Variants in PRKCB observed in about 807,000 individuals in gnomAD.
The protein encoded by PRKCB is protein kinase C beta type.
In PRKCB, 13 loss-of-function variants were observed where a neutral mutation model predicts 81.5. That is an observed-to-expected ratio of 0.16 (90% CI 0.10 to 0.25). The LOEUF (loss-of-function observed/expected upper bound fraction) is 0.25. PRKCB is among the 10% of genes least tolerant of loss of function. The pLI is 1.00. For synonymous variants in PRKCB, 335 were observed against 321.4 expected (o/e 1.04, Z -0.45); for missense variants, 509 against 875.7 (o/e 0.58, Z 5.29).
At chr16:23,988,915 C>T (rs753584741) in intron 3 of PRKCB, among the ~76,000 whole-genome samples, 3 of 151,950 alleles carry the variant, frequency 2.0e-5, no homozygotes, top group African/African-American at 7.3e-5. Context: ...TTGCAGTGCA[C>T]GTTATGGCAC....
intron 7 of PRKCB, among the ~76,000 whole-genome samples, chr16:24,096,194 G>T (rs1432365752): frequency 6.6e-6 from 1 of 152,116 alleles, no homozygotes; most frequent in Admixed American, 6.5e-5. Flanking sequence ...CAGGGAGGCG[G>T]AGGTTGCAGT....
At chr16:24,087,824 A>C (rs1966327678) in intron 5 of PRKCB, among the ~76,000 whole-genome samples, 1 of 152,194 alleles carries the variant, frequency 6.6e-6, no homozygotes, top group African/African-American at 2.4e-5. Context: ...CTTGGACCAG[A>C]ATGCAGAGGC....
At chr16:24,125,840 A>G (rs1047356933) in intron 9 of PRKCB, among the ~76,000 whole-genome samples, 1 of 152,200 alleles carries the variant, frequency 6.6e-6, no homozygotes, top group Non-Finnish European at 1.5e-5. Flanking sequence ...GAAGAGCTTC[A>G]GCATGGGATG....
intron 5 of PRKCB, among the ~76,000 whole-genome samples, chr16:24,077,059 T>A (rs1391717415): frequency 6.6e-6 from 1 of 152,124 alleles, no homozygotes; most frequent in East Asian, 1.9e-4. Flanking sequence ...GCCTGGCAAG[T>A]AAACTTAGCA....
rs529618160 is a variant in PRKCB, at chr16:24,068,558, AT to A, written c.530-24227del. Among the ~76,000 whole-genome samples the A allele has an allele frequency of 1.4e-3, 215 of 151,950 alleles. 2 individuals carry two copies. Among genetic ancestry groups the A allele is most frequent in the African/African-American group, 4.9e-3 (203 of 41,454 alleles). On this transcript the variant is annotated intron_variant, in intron 5 of 16. Transcript: ENST00000643927. ...TCAAAATTCCAGTTTCTTGAAAAAT[AT>A]TTTTTATCTGGCTTTTATAGTTGCT... is the stretch of plus-strand genomic sequence containing the variant.
At chr16:23,911,956 C>T (rs978752658) in intron 2 of PRKCB, among the ~76,000 whole-genome samples, 4 of 150,924 alleles carry the variant, frequency 2.7e-5, no homozygotes, top group African/African-American at 7.3e-5. Flanking sequence ...CTCAGCCTCC[C>T]GAGTAGCTGG....
chr16:23,836,359 G>A lies in PRKCB; in HGVS notation c.173+11G>A, dbSNP rs774813467. The A allele has an allele frequency of 2.2e-5, 35 of 1,595,632 alleles. No homozygotes were observed. The highest frequency in any genetic ancestry group is 5.5e-5 in the South Asian group (5 of 90,134). Reference sequence around the variant, plus strand: ...CACCGACTTCATCTGGTGAGCGCGCGCGCGCAGGGCACCTTCCCGGGCCCC... The same window carrying A: ...CACCGACTTCATCTGGTGAGCGCGCACGCGCAGGGCACCTTCCCGGGCCCC... On this transcript the variant is annotated intron_variant, in intron 1 of 16. Transcript: ENST00000643927.
chr16:24,086,528 T>G (rs1462509156), intron 5 of PRKCB, among the ~76,000 whole-genome samples: 1 of 152,178 alleles, frequency 6.6e-6, no homozygotes, highest in Non-Finnish European at 1.5e-5. Context: ...CCAAAAGTTT[T>G]TAAGTATCAC....
intron 2 of PRKCB, among the ~76,000 whole-genome samples, chr16:23,943,907 G>C (rs914486472): frequency 6.6e-6 from 1 of 152,154 alleles, no homozygotes; most frequent in African/African-American, 2.4e-5. Context: ...AGATCACATG[G>C]GGAAGGCACC....
intron 2 of PRKCB, among the ~76,000 whole-genome samples, chr16:23,842,605 ACT>A (rs112130857): frequency 2.6e-4 from 40 of 152,222 alleles, no homozygotes; most frequent in African/African-American, 9.4e-4. Flanking sequence ...CTTGCCATGG[ACT>A]CTCTAGAAAA....
chr16:23,985,062 A>G (rs1332924874), intron 2 of PRKCB, among the ~76,000 whole-genome samples: 1 of 152,062 alleles, frequency 6.6e-6, no homozygotes, highest in Non-Finnish European at 1.5e-5. Flanking sequence ...TATGCTAACA[A>G]TCTATTGCTT....
At chr16:24,013,509 G>A (rs1596511398) in intron 3 of PRKCB, among the ~76,000 whole-genome samples, 2 of 152,254 alleles carry the variant, frequency 1.3e-5, no homozygotes, top group African/African-American at 4.8e-5. Flanking sequence ...TTACATGGTC[G>A]TTGAGGATCA....
intron 3 of PRKCB, among the ~76,000 whole-genome samples, chr16:24,005,533 T>C (rs1965104942): frequency 6.6e-6 from 1 of 152,000 alleles, no homozygotes; most frequent in African/African-American, 2.4e-5. Flanking sequence ...TAATCGGGAG[T>C]CACTTACAGT....
chr16:23,997,247 C>T (rs1353787888), intron 3 of PRKCB, among the ~76,000 whole-genome samples: 1 of 152,168 alleles, frequency 6.6e-6, no homozygotes, highest in Non-Finnish European at 1.5e-5. Flanking sequence ...GGACACTACT[C>T]TACAATGGAG....
At chr16:24,181,789 A>AAAAG (rs1013403340) in intron 13 of PRKCB, among the ~76,000 whole-genome samples, 4 of 138,810 alleles carry the variant, frequency 2.9e-5, no homozygotes, top group Non-Finnish European at 6.3e-5. Flanking sequence ...AAAAAAAAAA[A>AAAAG]AAGAAGAAGA....
intron 2 of PRKCB, among the ~76,000 whole-genome samples, chr16:23,848,522 G>T (rs778333276): frequency 6.6e-6 from 1 of 152,176 alleles, no homozygotes. Context: ...TCTAACAATA[G>T]GGACATCTCT....
intron 2 of PRKCB, among the ~76,000 whole-genome samples, chr16:23,863,432 T>G (rs1322542641): frequency 6.6e-6 from 1 of 152,016 alleles, no homozygotes; most frequent in Non-Finnish European, 1.5e-5. Flanking sequence ...AATTCTTTCT[T>G]GTGCAAGATC....
chr16:24,185,593 C>A (rs756378820), intron 15 of PRKCB, 26 bp downstream of exon 15: 6 of 1,575,840 alleles, frequency 3.8e-6, no homozygotes, highest in Non-Finnish European at 5.2e-6. Context: ...AAAGCTGTGA[C>A]CAGGACCACC....
intron 2 of PRKCB, among the ~76,000 whole-genome samples, chr16:23,892,367 G>A (rs760717780): frequency 6.6e-5 from 10 of 152,172 alleles, no homozygotes; most frequent in Non-Finnish European, 1.3e-4. Context: ...TGCAGTATCA[G>A]CTGATTTGGT....
Sources: gnomAD v4.1 joint callset for allele counts (sites outside exome capture counted in the v4.1 genomes callset) on GRCh38, gnomAD v4.1.1 for gene constraint, MANE v1.5 for transcripts, NCBI Gene and HGNC (gene_info 2026-07-23, HGNC 2026-07-21) for gene names.